PTPN5: variants seen among roughly 807,000 people sequenced by gnomAD.
PTPN5 encodes tyrosine-protein phosphatase non-receptor type 5.
A neutral mutation model predicts 73.9 loss-of-function variants in PTPN5; 29 were observed. The ratio of observed to expected loss-of-function variants is 0.39; its 90% CI spans 0.29 to 0.54. PTPN5 has a LOEUF of 0.54. Among genes scored for constraint, PTPN5 ranks in the 20% least tolerant of loss-of-function variants. The pLI is 0.65. For synonymous variants in PTPN5, 267 were observed against 304.7 expected, an observed-to-expected ratio of 0.88 and a Z score of 1.29; for missense variants, 652 against 751.4, an observed-to-expected ratio of 0.87 and a Z score of 1.55.
intron 12 of PTPN5, among the ~76,000 whole-genome samples, chr11:18,732,115 T>C (rs910673546): frequency 6.6e-6 from 1 of 152,174 alleles, no homozygotes; most frequent in Admixed American, 6.5e-5. Context: ...CACAGCCCCC[T>C]GTACAACCCC....
intron 3 of PTPN5, among the ~76,000 whole-genome samples, chr11:18,765,245 A>G (rs1850590104): frequency 6.6e-6 from 1 of 152,030 alleles, no homozygotes; most frequent in Admixed American, 6.6e-5. Context: ...GGCGTGGGTC[A>G]TGGGGCTACA....
At chr11:18,780,061 A>T (rs1851350078) in intron 1 of PTPN5, among the ~76,000 whole-genome samples, 1 of 152,068 alleles carries the variant, frequency 6.6e-6, no homozygotes, top group Admixed American at 6.5e-5. Flanking sequence ...CTCCAAGTCA[A>T]CCTCACACAG....
intron 1 of PTPN5, among the ~76,000 whole-genome samples, 186 bp from the exon 2 acceptor site, chr11:18,772,257 C>A (rs1449006082): frequency 1.3e-5 from 2 of 152,150 alleles, no homozygotes; most frequent in Non-Finnish European, 2.9e-5. Flanking sequence ...TATATCATAC[C>A]CCAAAGCCTT....
At chr11:18,756,206 T>A (rs1453205180) in intron 3 of PTPN5, among the ~76,000 whole-genome samples, 8 of 151,838 alleles carry the variant, frequency 5.3e-5, no homozygotes, top group Admixed American at 3.9e-4. Flanking sequence ...AAGGCAACAT[T>A]ACCCCAGCTG....
At chr11:18,763,477 C>T (rs1162136471) in intron 3 of PTPN5, among the ~76,000 whole-genome samples, 1 of 152,190 alleles carries the variant, frequency 6.6e-6, no homozygotes, top group East Asian at 1.9e-4. Flanking sequence ...GCAAATGACA[C>T]TGATTTCCTA....
intron 3 of PTPN5, among the ~76,000 whole-genome samples, chr11:18,749,121 C>T (rs775321643): frequency 5.3e-5 from 8 of 152,230 alleles, no homozygotes; most frequent in Non-Finnish European, 7.3e-5. Context: ...GAGGTAGACA[C>T]GATCATCGTC....
intron 3 of PTPN5, 60 bp downstream of exon 3, chr11:18,765,747 G>T: frequency 8.4e-7 from 1 of 1,194,290 alleles, no homozygotes; most frequent in Non-Finnish European, 1.2e-6. Flanking sequence ...CCCAGCTTCA[G>T]CCGGGGCATT....
chr11:18,765,780 G>C lies in PTPN5; in HGVS notation c.97+27C>G, dbSNP rs756549156. On this transcript the variant is annotated intron_variant, in intron 3 of 14. Transcript: ENST00000358540. ...ATTGTCTCTCCATTCTGAGGTCTGG[G>C]AGGAGCTGGGTGCTGAGAAGACTCA... is the stretch of plus-strand genomic sequence containing the variant. 9 of 1,493,514 alleles carry C rather than the reference G, an allele frequency of 6.0e-6. No individual in the cohort carries two copies. The South Asian group carries it at 1.1e-4, about 18-fold the overall frequency. 92.5% of individuals were successfully genotyped at this position (1,493,514 alleles called of 1,614,324 possible).
intron 3 of PTPN5, among the ~76,000 whole-genome samples, chr11:18,753,706 G>A (rs909087406): frequency 3.3e-5 from 5 of 152,176 alleles, no homozygotes; most frequent in African/African-American, 1.2e-4. Flanking sequence ...CCCCAAGGGA[G>A]CATGTAAGCC....
chr11:18,765,721 T>G (rs1850613329), intron 3 of PTPN5, 86 bp downstream of exon 3: 1 of 894,144 alleles, frequency 1.1e-6, no homozygotes, highest in Admixed American at 2.0e-5. Flanking sequence ...CACAGCTAGC[T>G]AGGCTTTACT....
chr11:18,740,479 G>A, intron 8 of PTPN5, 124 bp downstream of exon 8: 1 of 871,616 alleles, frequency 1.1e-6, no homozygotes, highest in Non-Finnish European at 1.6e-6. Context: ...TGGGAGAGCT[G>A]ATAATAAAGT....
intron 2 of PTPN5, 74 bp from the exon 3 acceptor site, chr11:18,765,957 A>G: frequency 9.2e-7 from 1 of 1,091,166 alleles, no homozygotes; most frequent in Non-Finnish European, 1.4e-6. Context: ...CAAAGATAAG[A>G]AGGCTCCCTC....
At chr11:18,746,081 A>G (rs186978350) in intron 3 of PTPN5, among the ~76,000 whole-genome samples, 21 of 150,422 alleles carry the variant, frequency 1.4e-4, no homozygotes, top group African/African-American at 4.4e-4. Context: ...GATGATGGGC[A>G]AAGGACACTC....
chr11:18,785,153 C>T (rs1427322642), intron 1 of PTPN5, among the ~76,000 whole-genome samples: 1 of 152,106 alleles, frequency 6.6e-6, no homozygotes, highest in Admixed American at 6.6e-5. Flanking sequence ...GCACCAAGCT[C>T]CCTGTTCTTT....
chr11:18,746,192 T>TACAC (rs1554916254), intron 3 of PTPN5, among the ~76,000 whole-genome samples: 2 of 102,826 alleles, frequency 1.9e-5, no homozygotes, highest in South Asian at 6.7e-4. Flanking sequence ...TATATATATA[T>TACAC]ACATTTTTTT....
At chr11:18,732,861 G>A (rs769746694) in intron 11 of PTPN5, among the ~76,000 whole-genome samples, 159 bp from the exon 12 acceptor site, 1 of 152,192 alleles carries the variant, frequency 6.6e-6, no homozygotes, top group Non-Finnish European at 1.5e-5. Flanking sequence ...AGCTACTTCC[G>A]TTTCCTGAGT....
In PTPN5 at chr11:18,766,350, C is replaced by T. The variant is rs191045996; in HGVS notation, c.21-467G>A. On this transcript the variant is annotated intron_variant, in intron 2 of 14. Coordinates refer to ENST00000358540, the MANE Select transcript of PTPN5 (RefSeq NM_006906.2). The stretch of plus-strand genomic sequence containing the variant: ...CAGGCTCATGCTCTCGCTGTTGTGC[C>T]ATTCTGTCTCCTAGTTCCAGTAGTT... 1.1e-4 allele frequency among the ~76,000 whole-genome samples: 16 copies of T among 152,254 alleles called. No homozygotes were observed. In the East Asian group the frequency reaches 1.2e-3, roughly 11 times the overall value.
intron 12 of PTPN5, chr11:18,730,696 A>C (rs1848834812): frequency 6.5e-6 from 1 of 153,210 alleles, no homozygotes; most frequent in African/African-American, 2.4e-5. Flanking sequence ...TGTTGCTTAC[A>C]AGCTACCTGG....
At chr11:18,747,874 G>C (rs112523505) in intron 3 of PTPN5, among the ~76,000 whole-genome samples, 2 of 152,192 alleles carry the variant, frequency 1.3e-5, no homozygotes, top group African/African-American at 4.8e-5. Flanking sequence ...GCATGGAGCA[G>C]TGAACTCTTG....
Sources: gnomAD v4.1 joint callset for allele counts (sites outside exome capture counted in the v4.1 genomes callset) on GRCh38, gnomAD v4.1.1 for gene constraint, MANE v1.5 for transcripts, NCBI Gene and HGNC (gene_info 2026-07-23, HGNC 2026-07-21) for gene names.